The following MED30 variants were observed in gnomAD, a reference collection of about 807,000 sequenced individuals.
The protein encoded by MED30 is mediator complex subunit 30.
A neutral mutation model predicts 21.7 loss-of-function variants in MED30; 8 were observed. The ratio of observed to expected loss-of-function variants is 0.37; its 90% confidence interval spans 0.22 to 0.67. MED30 has a LOEUF of 0.67. Among genes scored for constraint, MED30 ranks in the 30% least tolerant of loss-of-function variants. MED30 has a pLI of 0.58. For synonymous variants in MED30, 79 were observed against 86.7 expected, an observed-to-expected ratio of 0.91 and a Z score of 0.49; for missense variants, 203 against 228.2, an observed-to-expected ratio of 0.89 and a Z score of 0.71.
chr8:117,523,907 T>A, intron 1 of MED30: 1 of 361,684 alleles, frequency 2.8e-6, no homozygotes, highest in Non-Finnish European at 5.2e-6. Flanking sequence ...CTCGGGAGGC[T>A]GGGGCAGGAG....
intron 3 of MED30, among the ~76,000 whole-genome samples, chr8:117,534,236 C>A (rs1818833564): frequency 6.6e-6 from 1 of 152,028 alleles, no homozygotes; most frequent in African/African-American, 2.4e-5. Context: ...ACCACTCCCT[C>A]TTTACTTTTC....
chr8:117,529,962 G>T (rs1425163747), intron 2 of MED30, among the ~76,000 whole-genome samples: 2 of 151,902 alleles, frequency 1.3e-5, no homozygotes, highest in East Asian at 3.9e-4. Context: ...AGAATTTGAA[G>T]AAGTTTTATC....
chr8:117,521,102 G>A, intron 1 of MED30, 49 bp downstream of exon 1: 1 of 1,517,470 alleles, frequency 6.6e-7, no homozygotes, highest in Admixed American at 2.0e-5. Context: ...GGGAGGGAAA[G>A]GGCCTCTGGT....
chr8:117,520,874 GC>G lies in MED30; in HGVS notation c.-1del. The G allele has an allele frequency of 6.3e-7, 1 of 1,588,174 alleles. No individual in the cohort carries two copies. The highest frequency in any genetic ancestry group is 8.6e-7 in the Non-Finnish European group (1 of 1,167,808). On this transcript the variant is annotated 5_prime_UTR_variant, in exon 1 of 4. Coordinates refer to ENST00000297347, the MANE Select transcript of MED30 (RefSeq NM_080651.4). ...CCTTCCGGCCTGAAGCTGCAGCCGC[GC>G]CATGTCCACCCCTCCGTTGGCCGCG...
intron 1 of MED30, 112 bp from the exon 2 acceptor site, chr8:117,528,539 C>A: frequency 1.2e-6 from 1 of 819,198 alleles, no homozygotes; most frequent in Admixed American, 3.2e-5. Flanking sequence ...TGAGGGACAG[C>A]TTATGTCTAT....
Position 117,539,927 on chromosome 8 carries a change from A to G in MED30, c.486A>G (p.Gln162=). ...AACAGCTGAAACAAATTATGGATCA[A>G]TTACGAAATCTCATCTGGGATATAA... ...KNQQLKQIMD[Q]LRNLIWDINA... Residue 162 remains glutamine, a synonymous_variant, in exon 4 of 4, where the codon CAA becomes CAG. Transcript: ENST00000297347. The G allele has an allele frequency of 6.2e-7, 1 of 1,609,628 alleles. No individual in the cohort carries two copies. Among genetic ancestry groups the G allele is most frequent in the Non-Finnish European group, 8.5e-7 (1 of 1,178,088 alleles).
rs2130805988 is a variant in MED30, at chr8:117,520,759, G to C, written c.-118G>C. On this transcript the variant is annotated 5_prime_UTR_variant, in exon 1 of 4. Transcript: ENST00000297347. ...AAGTCGCGGCCGCTGTTTTGAAATCGGGCCGCGGGGGGTCTCTCAAGCTGG... is the reference window on the plus strand; with the variant it reads ...AAGTCGCGGCCGCTGTTTTGAAATCCGGCCGCGGGGGGTCTCTCAAGCTGG... 2 of 1,054,392 alleles carry C rather than the reference G, an allele frequency of 1.9e-6. No individual in the cohort carries two copies. The highest frequency in any genetic ancestry group is 2.6e-6 in the Non-Finnish European group (2 of 761,876). The allele number at this position is 1,054,392 out of a possible 1,614,324, so 65.3% of individuals were successfully genotyped here.
At chr8:117,530,512 G>T in intron 2 of MED30, 1 of 356,820 alleles carries the variant, frequency 2.8e-6, no homozygotes. Flanking sequence ...TATAAAGGCT[G>T]TTTTGCAAAA....
intron 3 of MED30, among the ~76,000 whole-genome samples, chr8:117,537,426 C>CTGT (rs1382237877): frequency 1.3e-5 from 2 of 152,112 alleles, no homozygotes; most frequent in Admixed American, 1.3e-4. Context: ...GTCAGCTTTG[C>CTGT]TGTTGATCAT....
chr8:117,528,653 G>A lies in MED30; in HGVS notation c.180G>A (p.Leu60=). The A allele has an allele frequency of 1.3e-6, 2 of 1,559,028 alleles. No homozygotes were observed. The highest frequency in any genetic ancestry group is 1.2e-5 in the South Asian group (1 of 82,780). The change falls in exon 2 of 4, where the codon CTG becomes CTA. Residue 60 remains leucine (L), a splice_region_variant and synonymous_variant. Transcript: ENST00000297347. ...TATTCTTTGTTTTTCCTGATAAGCT[G>A]CCAAATGGTGTCACTTACCACACTG... The part of the protein sequence containing the change: ...EIFQLLRNMQ[L]PNGVTYHTGT...
intron 1 of MED30, among the ~76,000 whole-genome samples, chr8:117,523,120 A>G (rs776111660): frequency 6.6e-6 from 1 of 152,188 alleles, no homozygotes; most frequent in Non-Finnish European, 1.5e-5. Flanking sequence ...TTCATGTTCT[A>G]CGCAGAACTA....
At chr8:117,524,220 A>C (rs992146709) in intron 1 of MED30, among the ~76,000 whole-genome samples, 2 of 152,198 alleles carry the variant, frequency 1.3e-5, no homozygotes, top group Non-Finnish European at 2.9e-5. Flanking sequence ...TTCATTTCCA[A>C]AAAAACTAGA....
intron 3 of MED30, among the ~76,000 whole-genome samples, chr8:117,534,403 AT>A (rs1180735887): frequency 6.6e-6 from 1 of 151,652 alleles, no homozygotes; most frequent in African/African-American, 2.4e-5. Context: ...AGTATTTTAA[AT>A]TTTTTTCCCC....
intron 3 of MED30, among the ~76,000 whole-genome samples, chr8:117,534,678 C>A (rs1294434383): frequency 6.6e-6 from 1 of 152,040 alleles, no homozygotes; most frequent in East Asian, 1.9e-4. Flanking sequence ...CATTTGATGA[C>A]CTCATAACTC....
rs1161630291 is a variant in MED30, at chr8:117,521,115, C to A, written c.177+62C>A. 10 of 1,478,040 alleles carry A rather than the reference C, an allele frequency of 6.8e-6. No individual in the cohort carries two copies. The South Asian group carries it at 1.3e-4, about 20-fold the overall frequency. 91.6% of individuals were successfully genotyped at this position (1,478,040 alleles called of 1,614,324 possible). A position where few individuals can be genotyped will look rare whatever the true frequency, so the allele number is the denominator to read the frequency against. ...CTGGGAGGGAAAGGGCCTCTGGTTT[C>A]CTCTTTACGTGGGGCCCGTGGATGT... On this transcript the variant is annotated intron_variant, in intron 1 of 3. Transcript: ENST00000297347.
intron 3 of MED30, among the ~76,000 whole-genome samples, chr8:117,536,805 G>A (rs1359551597): frequency 1.3e-5 from 2 of 152,144 alleles, no homozygotes; most frequent in African/African-American, 4.8e-5. Flanking sequence ...TATGCTTTAG[G>A]TGCAGGGGTG....
At chr8:117,532,884 C>G (rs1818810353) in intron 3 of MED30, among the ~76,000 whole-genome samples, 1 of 151,854 alleles carries the variant, frequency 6.6e-6, no homozygotes, top group South Asian at 2.1e-4. Context: ...GTTTGGTAGT[C>G]TAGATGTATG....
intron 1 of MED30, among the ~76,000 whole-genome samples, chr8:117,525,223 A>C (rs1032310353): frequency 7.9e-5 from 12 of 152,264 alleles, no homozygotes; most frequent in Non-Finnish European, 1.3e-4. Flanking sequence ...TGATAGGTGA[A>C]AATTCTACTT....
intron 3 of MED30, among the ~76,000 whole-genome samples, chr8:117,534,375 G>A (rs369040134): frequency 2.0e-5 from 3 of 151,968 alleles, no homozygotes; most frequent in African/African-American, 7.3e-5. Flanking sequence ...GAAAGTTTGT[G>A]TATATTTACG....
Sources: allele counts gnomAD v4.1 joint callset (sites outside exome capture counted in the v4.1 genomes callset), GRCh38; gene constraint gnomAD v4.1.1; transcripts MANE v1.5; gene names NCBI Gene and HGNC (gene_info 2026-07-23, HGNC 2026-07-21).